Variants in SYT1 observed in about 807,000 individuals in gnomAD.
SYT1 encodes the protein synaptotagmin 1.
A neutral mutation model predicts 44.8 loss-of-function variants in SYT1; 8 were observed. The observed-to-expected ratio is 0.18, with a 90% confidence interval of 0.10 to 0.32. The LOEUF (loss-of-function observed/expected upper bound fraction) is 0.32, where lower values mean the gene tolerates loss of function less well. Among genes scored for constraint, SYT1 ranks in the 10% least tolerant of loss-of-function variants. The pLI, the probability that SYT1 is intolerant of heterozygous loss-of-function variation, is 1.00. For synonymous variants in SYT1, 154 were observed against 188.8 expected, an observed-to-expected ratio of 0.82 and a Z score of 1.51; for missense variants, 286 against 509.3, an observed-to-expected ratio of 0.56 and a Z score of 4.22.
chr12:79,390,155 GATC>G (rs1884599766), intron 9 of SYT1, among the ~76,000 whole-genome samples: 1 of 151,820 alleles, frequency 6.6e-6, no homozygotes, highest in Non-Finnish European at 1.5e-5. Flanking sequence ...GGATGGTCTC[GATC>G]TCCTGACCTT....
intron 1 of SYT1, among the ~76,000 whole-genome samples, chr12:78,963,635 T>C (rs908217173): frequency 2.0e-5 from 3 of 152,036 alleles, no homozygotes; most frequent in African/African-American, 7.2e-5. Flanking sequence ...CCTGTTAGGA[T>C]GGCCACAAAC....
intron 3 of SYT1, among the ~76,000 whole-genome samples, chr12:79,161,108 G>A (rs1449179557): frequency 1.3e-5 from 2 of 151,930 alleles, no homozygotes; most frequent in Non-Finnish European, 2.9e-5. Flanking sequence ...AGGTATGGTG[G>A]GTGCACCTGT....
At chr12:79,429,394 A>G (rs1869640897) in intron 9 of SYT1, among the ~76,000 whole-genome samples, 1 of 151,592 alleles carries the variant, frequency 6.6e-6, no homozygotes, top group South Asian at 2.1e-4. Context: ...TTTATTAGAG[A>G]GATGGGGTTT....
chr12:79,047,629 T>C (rs1874168538), intron 3 of SYT1, among the ~76,000 whole-genome samples: 1 of 151,884 alleles, frequency 6.6e-6, no homozygotes, highest in Non-Finnish European at 1.5e-5. Flanking sequence ...ACTAGCATAG[T>C]ATCATCTTAA....
intron 6 of SYT1, among the ~76,000 whole-genome samples, chr12:79,293,618 A>G (rs1690364441): frequency 1.3e-5 from 2 of 152,160 alleles, no homozygotes; most frequent in Non-Finnish European, 2.9e-5. Flanking sequence ...TTTGATAACT[A>G]ACATCCAAAG....
chr12:79,432,209 T>TC (rs888920732), intron 9 of SYT1, among the ~76,000 whole-genome samples: 2 of 151,942 alleles, frequency 1.3e-5, no homozygotes, highest in African/African-American at 4.8e-5. Flanking sequence ...TGTCATTTTT[T>TC]CTTTTTTTTT....
At chr12:79,091,116 A>G (rs1877746530) in intron 3 of SYT1, among the ~76,000 whole-genome samples, 1 of 151,968 alleles carries the variant, frequency 6.6e-6, no homozygotes, top group African/African-American at 2.4e-5. Flanking sequence ...CCATCTCAAA[A>G]TATGCCAAAG....
intron 9 of SYT1, 50 bp from the exon 10 acceptor site, chr12:79,444,023 A>G (rs773123235): frequency 6.3e-7 from 1 of 1,595,170 alleles, no homozygotes; most frequent in Admixed American, 1.8e-5. Context: ...CTTATAATCT[A>G]AAATATGTGT....
At chr12:78,913,395 T>G (rs1330041723) in intron 1 of SYT1, among the ~76,000 whole-genome samples, 10 of 151,388 alleles carry the variant, frequency 6.6e-5, no homozygotes, top group African/African-American at 1.4e-4. Flanking sequence ...AAACAATTTT[T>G]AAACTTCTAT....
At chr12:79,379,883 T>C (rs1884146813) in intron 9 of SYT1, among the ~76,000 whole-genome samples, 1 of 152,160 alleles carries the variant, frequency 6.6e-6, no homozygotes, top group Non-Finnish European at 1.5e-5. Flanking sequence ...TAATTTGCCT[T>C]CTTGAAAAGA....
At chr12:79,000,566 T>C (rs1198909359) in intron 2 of SYT1, among the ~76,000 whole-genome samples, 2 of 152,192 alleles carry the variant, frequency 1.3e-5, no homozygotes, top group African/African-American at 4.8e-5. Flanking sequence ...TCCAAAGTGC[T>C]GGGATTACAG....
chr12:78,942,118 A>G (rs555261890), intron 1 of SYT1, among the ~76,000 whole-genome samples: 1 of 152,324 alleles, frequency 6.6e-6, no homozygotes, highest in African/African-American at 2.4e-5. Flanking sequence ...GTCAAACCTG[A>G]GGTCCAAAGA....
intron 8 of SYT1, among the ~76,000 whole-genome samples, chr12:79,299,850 C>T (rs947811249): frequency 6.6e-6 from 1 of 152,120 alleles, no homozygotes. Context: ...GCCACACACA[C>T]TCATAAACTA....
Position 79,115,942 on chromosome 12 carries a change from C to T in SYT1, c.-18+68580C>T, listed in dbSNP as rs1879252289. Among the ~76,000 whole-genome samples the T allele has an allele frequency of 3.3e-5, 5 of 152,174 alleles. No homozygotes were observed. In the South Asian group the frequency reaches 1.0e-3, roughly 32 times the overall value. On this transcript the variant is annotated intron_variant, in intron 3 of 10. Transcript: ENST00000261205. ...TCTCATAAAATTTCTCACTTCCCCACACCCTGAAAGCTATAATGAGCAAAC... is the reference window on the plus strand; with the variant it reads ...TCTCATAAAATTTCTCACTTCCCCATACCCTGAAAGCTATAATGAGCAAAC...
intron 1 of SYT1, among the ~76,000 whole-genome samples, chr12:78,868,540 A>G (rs779225554): frequency 1.1e-4 from 17 of 152,064 alleles, no homozygotes; most frequent in Admixed American, 7.9e-4. Flanking sequence ...ATGGCAATAT[A>G]CATAATAATT....
intron 9 of SYT1, among the ~76,000 whole-genome samples, chr12:79,406,055 A>G (rs1885232639): frequency 6.6e-6 from 1 of 152,154 alleles, no homozygotes; most frequent in Admixed American, 6.6e-5. Context: ...AAAAATTAAT[A>G]TGGAAATGAA....
Position 79,449,472 on chromosome 12 carries a change from A to T in SYT1, c.*348A>T. 4.5e-6 allele frequency: 1 copy of T among 221,056 alleles called. No individual in the cohort carries two copies. Among genetic ancestry groups the T allele is most frequent in the Non-Finnish European group, 9.1e-6 (1 of 110,472 alleles). 13.7% of individuals were successfully genotyped at this position (221,056 alleles called of 1,614,324 possible). A position where few individuals can be genotyped will look rare whatever the true frequency, so the allele number is the denominator to read the frequency against. On this transcript the variant is annotated 3_prime_UTR_variant, in exon 11 of 11. Coordinates refer to ENST00000261205, the MANE Select transcript of SYT1 (RefSeq NM_005639.3). ...TGTAAGCGTTTCCTAATCTGTGTAT[A>T]TCTAGATGTTTTTAATAAGATGTTC... is the stretch of plus-strand genomic sequence containing the variant.
chr12:78,936,088 A>G (rs1878040873), intron 1 of SYT1, among the ~76,000 whole-genome samples: 1 of 152,128 alleles, frequency 6.6e-6, no homozygotes, highest in African/African-American at 2.4e-5. Context: ...TAATAAAATC[A>G]ATTATTGAGA....
intron 8 of SYT1, among the ~76,000 whole-genome samples, chr12:79,303,278 A>T (rs1880234563): frequency 6.6e-6 from 1 of 152,150 alleles, no homozygotes; most frequent in African/African-American, 2.4e-5. Flanking sequence ...CAAAGTATTT[A>T]AACTCTTTTT....
Sources: gnomAD v4.1 joint callset for allele counts (sites outside exome capture counted in the v4.1 genomes callset) on GRCh38, gnomAD v4.1.1 for gene constraint, MANE v1.5 for transcripts, NCBI Gene and HGNC (gene_info 2026-07-23, HGNC 2026-07-21) for gene names.